The following SEL1L3 variants were observed in gnomAD, a reference collection of about 807,000 sequenced individuals.
The protein encoded by SEL1L3 is SEL1L family member 3.
In SEL1L3, 76 loss-of-function variants were observed where a neutral mutation model predicts 142.8. The observed-to-expected ratio is 0.53, with a 90% CI of 0.44 to 0.64. SEL1L3 has a LOEUF of 0.64. Ranked by LOEUF, SEL1L3 falls within the 30% of genes least tolerant of loss-of-function variation. SEL1L3 has a pLI of 0.00. For synonymous variants in SEL1L3, 504 were observed against 519.6 expected (o/e 0.97, Z 0.41); for missense variants, 1,262 against 1,381.7 (o/e 0.91, Z 1.37).
chr4:25,728,134 T>C, the SEL1L3 span, among the ~76,000 whole-genome samples: 2 of 152,138 alleles, frequency 1.3e-5, no homozygotes, highest in East Asian at 1.9e-4. Flanking sequence ...GAATGACCAT[T>C]AGTGTTTCTA....
chr4:25,809,390 C>A (rs558935057), intron 9 of SEL1L3, among the ~76,000 whole-genome samples: 4 of 152,052 alleles, frequency 2.6e-5, no homozygotes, highest in African/African-American at 7.2e-5. Context: ...AGCAATCCAC[C>A]CACCTCTGCC....
intron 1 of SEL1L3, among the ~76,000 whole-genome samples, chr4:25,860,385 T>C (rs1717619542): frequency 6.6e-6 from 1 of 152,228 alleles, no homozygotes; most frequent in Admixed American, 6.5e-5. Flanking sequence ...CATTCCTTGA[T>C]TGAGCAAAAT....
chr4:25,757,240 C>T (rs950115532), intron 23 of SEL1L3, among the ~76,000 whole-genome samples: 1 of 151,904 alleles, frequency 6.6e-6, no homozygotes, highest in African/African-American at 2.4e-5. Flanking sequence ...TGCACTCCAG[C>T]CTGGGCGACA....
chr4:25,834,017 G>A (rs1715608534), intron 3 of SEL1L3, among the ~76,000 whole-genome samples: 1 of 152,108 alleles, frequency 6.6e-6, no homozygotes, highest in Non-Finnish European at 1.5e-5. Flanking sequence ...ACAGATAAAA[G>A]CCATAAGGTA....
At chr4:25,853,788 CAG>C (rs1717061729) in intron 1 of SEL1L3, among the ~76,000 whole-genome samples, 2 of 150,496 alleles carry the variant, frequency 1.3e-5, no homozygotes, top group South Asian at 4.2e-4. Flanking sequence ...TCTCCTGCCT[CAG>C]CCTCCTGAGC....
intron 23 of SEL1L3, among the ~76,000 whole-genome samples, chr4:25,749,694 A>G (rs1389061114): frequency 6.6e-6 from 1 of 152,220 alleles, no homozygotes; most frequent in Non-Finnish European, 1.5e-5. Flanking sequence ...AGAGCCAAAT[A>G]GGAGTGATTT....
chr4:25,855,667 A>C (rs980623907), intron 1 of SEL1L3, among the ~76,000 whole-genome samples: 1 of 152,158 alleles, frequency 6.6e-6, no homozygotes, highest in African/African-American at 2.4e-5. Flanking sequence ...AGGCTAAAGC[A>C]GGAGAATCAC....
intron 11 of SEL1L3, among the ~76,000 whole-genome samples, chr4:25,797,993 G>C (rs1249442335): frequency 6.6e-6 from 1 of 152,216 alleles, no homozygotes; most frequent in Non-Finnish European, 1.5e-5. Flanking sequence ...TGGGAAGTCA[G>C]AGGGGAAGTG....
At chr4:25,732,611 T>C in the SEL1L3 span, among the ~76,000 whole-genome samples, 1 of 152,222 alleles carries the variant, frequency 6.6e-6, no homozygotes, top group East Asian at 1.9e-4. Context: ...TGTACTTTTT[T>C]GCCATCCTCA....
chr4:25,748,710 G>A (rs987331015), intron 23 of SEL1L3, 146 bp from the exon 24 acceptor site: 20 of 708,376 alleles, frequency 2.8e-5, no homozygotes, highest in East Asian at 5.7e-5. Flanking sequence ...CTCTGGACCC[G>A]TTATCTAAGT....
Position 25,759,020 on chromosome 4 carries a change from G to A in SEL1L3, c.3004C>T (p.His1002Tyr), listed in dbSNP as rs1238746351. The change falls in exon 21 of 24, where the codon CAC becomes TAC. Residue 1002 changes from histidine (H) to tyrosine (Y), a missense_variant. By Grantham distance (83) the His-to-Tyr change is moderately conservative. This residue lies in a region of SEL1L3 where 435 missense variants were observed against 559.2 expected (regional missense o/e 0.78). Coordinates refer to ENST00000399878, the MANE Select transcript of SEL1L3 (RefSeq NM_015187.5). ...ATTTCCAAGAAATCCAAGATATGGT[G>A]TGGGATTATCGTACCTTCCTCGATT... ...LLIEEGTIIP[H>Y]HILDFLEIDS... 1.2e-6 allele frequency: 2 copies of A among 1,613,732 alleles called. No individual in the cohort carries two copies. Among genetic ancestry groups the A allele is most frequent in the South Asian group, 1.1e-5 (1 of 91,066 alleles).
chr4:25,823,254 G>A (rs571870201), intron 6 of SEL1L3, among the ~76,000 whole-genome samples: 2 of 152,146 alleles, frequency 1.3e-5, no homozygotes, highest in South Asian at 4.2e-4. Context: ...GGTGGCTCAC[G>A]CCTGTAATCC....
chr4:25,791,457 G>A (rs767839489), intron 11 of SEL1L3, among the ~76,000 whole-genome samples: 5 of 152,172 alleles, frequency 3.3e-5, no homozygotes, highest in Non-Finnish European at 7.3e-5. Context: ...TAAAAATCCA[G>A]TCCTGTTGTT....
rs139054591 is a variant in SEL1L3, at chr4:25,763,789, G to C, written c.2955+1537C>G. Among the ~76,000 whole-genome samples, 150 of 152,308 alleles carry C rather than the reference G, an allele frequency of 9.8e-4. 1 individual carries two copies. The highest frequency in any genetic ancestry group is 2.2e-4 in the Non-Finnish European group (15 of 68,028). ...TGGGGGACCAAGGCTGCAGTGAGCT[G>C]AGTGTGCCACTGCATTTCAGCCTGG... On this transcript the variant is annotated intron_variant, in intron 20 of 23. Transcript: ENST00000399878.
chr4:25,833,614 C>T, intron 3 of SEL1L3, 45 bp from the exon 4 acceptor site: 1 of 1,536,296 alleles, frequency 6.5e-7, no homozygotes, highest in Non-Finnish European at 8.8e-7. Context: ...TGATATCATC[C>T]AAGAACAGGT....
chr4:25,738,516 A>T, the SEL1L3 span, among the ~76,000 whole-genome samples: 1 of 152,212 alleles, frequency 6.6e-6, no homozygotes, highest in African/African-American at 2.4e-5. Context: ...CACTCTATCT[A>T]AAGTCACAGT....
rs1449931127 is a variant in SEL1L3 at position 25,856,452 on chromosome 4, G to A, written c.162+6223C>T. On this transcript the variant is annotated intron_variant, in intron 1 of 23. Transcript: ENST00000399878. The stretch of plus-strand genomic sequence containing the variant: ...ACTGATCCATTTTGCACGCAACAGA[G>A]CTGGGCCCTGAAAAATGCTTGAGCC... Among the ~76,000 whole-genome samples the A allele has an allele frequency of 1.3e-5, 2 of 152,114 alleles. 1 individual carries two copies. Among genetic ancestry groups the A allele is most frequent in the Admixed American group, 1.3e-4 (2 of 15,274 alleles).
At chr4:25,835,392 C>A (rs1040325971) in intron 2 of SEL1L3, 69 bp from the exon 3 acceptor site, 2 of 1,555,854 alleles carry the variant, frequency 1.3e-6, no homozygotes, top group Admixed American at 3.4e-5. Flanking sequence ...CCACATTCAT[C>A]CTGAAAGCCT....
chr4:25,794,284 G>C (rs918899940), intron 11 of SEL1L3, among the ~76,000 whole-genome samples: 8 of 152,058 alleles, frequency 5.3e-5, no homozygotes, highest in African/African-American at 1.9e-4. Flanking sequence ...TCTGACAAAA[G>C]TCTAATATCC....
Sources: gnomAD v4.1 joint callset for allele counts (sites outside exome capture counted in the v4.1 genomes callset) on GRCh38, gnomAD v4.1.1 for gene constraint, gnomAD v4.1.1 regional missense constraint, MANE v1.5 for transcripts, NCBI Gene and HGNC (gene_info 2026-07-23, HGNC 2026-07-21) for gene names.